Variants in PALM2AKAP2 observed in about 807,000 individuals in gnomAD.
PALM2AKAP2 encodes the protein PALM2 and AKAP2 fusion, also known as PALM2-AKAP2 fusion protein.
PALM2AKAP2 carries 37 observed loss-of-function variants against 71.5 expected under a neutral mutation model. The ratio of observed to expected loss-of-function variants is 0.52; its 90% CI spans 0.40 to 0.68. The LOEUF (loss-of-function observed/expected upper bound fraction) is 0.68, where lower values mean the gene tolerates loss of function less well. Among genes scored for constraint, PALM2AKAP2 ranks in the 30% least tolerant of loss-of-function variants. PALM2AKAP2 has a pLI of 0.00. For synonymous variants in PALM2AKAP2, 468 were observed against 478.8 expected (o/e 0.98, Z 0.29); for missense variants, 1,224 against 1,191.8 (o/e 1.03, Z -0.40).
intron 6 of PALM2AKAP2, among the ~76,000 whole-genome samples, chr9:109,988,128 C>T (rs912913618): frequency 2.4e-4 from 37 of 152,168 alleles, no homozygotes; most frequent in Non-Finnish European, 4.4e-5. Flanking sequence ...TTTATAGTAC[C>T]AATCTGCAGT....
chr9:109,904,259 A>G (rs953302517), intron 3 of PALM2AKAP2, among the ~76,000 whole-genome samples: 2 of 152,220 alleles, frequency 1.3e-5, no homozygotes, highest in Admixed American at 1.3e-4. Flanking sequence ...ATCAGATTGC[A>G]GCATGAAAGG....
At chr9:109,781,716 A>G (rs193119104) in intron 1 of PALM2AKAP2, among the ~76,000 whole-genome samples, 1 of 152,336 alleles carries the variant, frequency 6.6e-6, no homozygotes, top group Non-Finnish European at 1.5e-5. Flanking sequence ...CACTGAAGTG[A>G]GAGAGATGTT....
intron 1 of PALM2AKAP2, among the ~76,000 whole-genome samples, chr9:109,757,980 C>G (rs1331304308): frequency 2.0e-5 from 3 of 152,034 alleles, no homozygotes; most frequent in African/African-American, 7.2e-5. Flanking sequence ...TCCTAACCCC[C>G]TCCCAACCCC....
intron 1 of PALM2AKAP2, chr9:110,090,255 G>A: frequency 2.3e-6 from 1 of 427,988 alleles, no homozygotes; most frequent in Non-Finnish European, 4.7e-6. Context: ...GAAATCCTGT[G>A]ACCTGGCAGA....
At chr9:110,032,287 G>T (rs1423093660) in intron 7 of PALM2AKAP2, among the ~76,000 whole-genome samples, 1 of 152,138 alleles carries the variant, frequency 6.6e-6, no homozygotes, top group Non-Finnish European at 1.5e-5. Context: ...GGCCAAGCAT[G>T]GTGGCTTACA....
chr9:109,691,889 T>TATATACAC (rs1827897890), intron 1 of PALM2AKAP2, among the ~76,000 whole-genome samples: 6 of 68,728 alleles, frequency 8.7e-5, no homozygotes, highest in East Asian at 3.7e-4. Flanking sequence ...CACATATATA[T>TATATACAC]ATATATATAT....
upstream of PALM2AKAP2, among the ~76,000 whole-genome samples, chr9:109,778,660 T>C (rs1180124166): frequency 6.6e-6 from 1 of 152,092 alleles, no homozygotes; most frequent in African/African-American, 2.4e-5. Context: ...GTCAGAGGAG[T>C]AATTGTTCAT....
intron 7 of PALM2AKAP2, among the ~76,000 whole-genome samples, chr9:110,023,375 C>T (rs527599420): frequency 1.4e-4 from 19 of 133,528 alleles, no homozygotes; most frequent in Middle Eastern, 4.4e-3. Context: ...AGTGCAATGA[C>T]GCCATCTCAG....
chr9:109,843,489 A>G (rs1828765688), intron 1 of PALM2AKAP2, among the ~76,000 whole-genome samples: 1 of 152,068 alleles, frequency 6.6e-6, no homozygotes, highest in Non-Finnish European at 1.5e-5. Context: ...TCAGTAGTAC[A>G]TGTGTATTAC....
rs1455795340 is a variant in PALM2AKAP2 at position 110,106,150 on chromosome 9, GA to G, written c.157-29975del. 5.9e-5 allele frequency among the ~76,000 whole-genome samples: 9 copies of G among 152,290 alleles called. No homozygotes were observed. In the South Asian group the frequency reaches 1.9e-3, roughly 32 times the overall value. On this transcript the variant is annotated intron_variant, in intron 1 of 3. Coordinates refer to ENST00000374525, the Ensembl canonical transcript of PALM2AKAP2. Reference sequence around the variant, plus strand: ...ATTGGTAAGAGTTGGCTTCTTTAGCGAACATGATTTTGTATTTTTGGAGAGG... The same window carrying G: ...ATTGGTAAGAGTTGGCTTCTTTAGCGACATGATTTTGTATTTTTGGAGAGG...
At chr9:109,748,354 G>C (rs987636501) in intron 1 of PALM2AKAP2, among the ~76,000 whole-genome samples, 1 of 152,082 alleles carries the variant, frequency 6.6e-6, no homozygotes, top group Admixed American at 6.6e-5. Context: ...GGACACTAGG[G>C]TTTGCAGGGA....
chr9:109,861,571 T>C (rs990783600), intron 1 of PALM2AKAP2, among the ~76,000 whole-genome samples: 11 of 152,118 alleles, frequency 7.2e-5, no homozygotes, highest in African/African-American at 2.7e-4. Context: ...AATCTGGAAG[T>C]CTTTCTAATG....
intron 6 of PALM2AKAP2, chr9:109,946,565 T>G (rs1274602003): frequency 6.6e-6 from 1 of 151,480 alleles, no homozygotes; most frequent in East Asian, 1.9e-4. Context: ...TGATGGCGCA[T>G]GCCTGTAATC....
In PALM2AKAP2 at chr9:109,926,219, A is replaced by C. The variant is rs557206182; in HGVS notation, c.394+1137A>C. ...CTCTGGATTAGTCAAAGGTATTTGC[A>C]TGAAGGATAGTTCTGACTTTGGCAA... is the stretch of plus-strand genomic sequence containing the variant. On this transcript the variant is annotated intron_variant, in intron 5 of 9. Coordinates refer to the PALM2AKAP2 transcript ENST00000302798. Among the ~76,000 whole-genome samples the C allele has an allele frequency of 3.3e-5, 5 of 152,356 alleles. No individual in the cohort carries two copies. In the South Asian group the frequency reaches 8.3e-4, roughly 25 times the overall value.
intron 1 of PALM2AKAP2, among the ~76,000 whole-genome samples, chr9:109,660,349 C>A (rs891216920): frequency 2.0e-5 from 3 of 152,104 alleles, no homozygotes; most frequent in Non-Finnish European, 4.4e-5. Flanking sequence ...CTCCCCAACC[C>A]CCCCAACTCC....
At chr9:109,903,175 A>G (rs1313279589) in intron 3 of PALM2AKAP2, among the ~76,000 whole-genome samples, 2 of 151,970 alleles carry the variant, frequency 1.3e-5, no homozygotes, top group African/African-American at 4.8e-5. Context: ...CGCAGGGAGG[A>G]AGAGCACTTT....
intron 1 of PALM2AKAP2, among the ~76,000 whole-genome samples, chr9:110,082,278 A>C (rs1166684664): frequency 6.6e-6 from 1 of 151,416 alleles, no homozygotes; most frequent in African/African-American, 2.4e-5. Context: ...CTGGTCTCAA[A>C]CTCCTGACCT....
At chr9:109,823,475 AG>A (rs1482797074) in intron 1 of PALM2AKAP2, among the ~76,000 whole-genome samples, 2 of 152,158 alleles carry the variant, frequency 1.3e-5, no homozygotes, top group African/African-American at 4.8e-5. Flanking sequence ...ATAAACTGGG[AG>A]TCACAGAGGC....
chr9:110,119,301 C>T (rs938973522), intron 1 of PALM2AKAP2, among the ~76,000 whole-genome samples: 1 of 144,452 alleles, frequency 6.9e-6, no homozygotes, highest in Non-Finnish European at 1.5e-5. Flanking sequence ...CAAGATCATG[C>T]CACTGCACTC....
Sources: gnomAD v4.1 joint callset for allele counts (sites outside exome capture counted in the v4.1 genomes callset) on GRCh38, gnomAD v4.1.1 for gene constraint, MANE v1.5 for transcripts, NCBI Gene and HGNC (gene_info 2026-07-23, HGNC 2026-07-21) for gene names.